ENOX1: variants seen among roughly 807,000 people sequenced by gnomAD.
ENOX1 encodes ecto-NOX disulfide-thiol exchanger 1, also known as candidate growth-related and time keeping constitutive hydroquinone (NADH) oxidase.
ENOX1 carries 42 observed loss-of-function variants against 82.5 expected under a neutral mutation model. The ratio of observed to expected loss-of-function variants is 0.51; its 90% CI spans 0.40 to 0.66. ENOX1 has a LOEUF of 0.66. ENOX1 is among the 30% of genes least tolerant of loss of function. ENOX1 has a pLI of 0.00. For missense variants in ENOX1, 608 were observed against 811.6 expected, an observed-to-expected ratio of 0.75 and a Z score of 3.05; for synonymous variants, 271 against 282.2, an observed-to-expected ratio of 0.96 and a Z score of 0.40.
chr13:43,563,952 A>G (rs910401898), intron 2 of ENOX1, among the ~76,000 whole-genome samples: 10 of 150,724 alleles, frequency 6.6e-5, no homozygotes, highest in African/African-American at 2.2e-4. Flanking sequence ...ATTATTCTGG[A>G]AAAAAAAAGG....
intron 1 of ENOX1, among the ~76,000 whole-genome samples, chr13:43,768,557 G>A (rs1247963813): frequency 6.6e-6 from 1 of 152,074 alleles, no homozygotes; most frequent in Admixed American, 6.5e-5. Flanking sequence ...GGAGTTCGAG[G>A]TTACAGTGAG....
At position 43,355,984 on chromosome 13, in the gene ENOX1, G is replaced by C; in HGVS notation, c.758C>G (p.Pro253Arg). 1 of 1,613,856 alleles carries C rather than the reference G, an allele frequency of 6.2e-7. No individual in the cohort carries two copies. The highest frequency in any genetic ancestry group is 8.5e-7 in the Non-Finnish European group (1 of 1,180,038). ...RKLEEDRLRP[P>R]SPPAIMHYSE... Reference sequence around the variant, plus strand: ...GTAGTGCATTATGGCAGGCGGGGATGGGGGCCTGAGCCGGTCCTCCTCCAG... The same window carrying C: ...GTAGTGCATTATGGCAGGCGGGGATCGGGGCCTGAGCCGGTCCTCCTCCAG... Residue 253 changes from proline (P) to arginine (R), a missense_variant, in exon 8 of 17, where the codon CCA (proline) becomes CGA (arginine). Physicochemically the swap from Pro to Arg is moderately radical, Grantham distance 103. Coordinates refer to ENST00000690772, the MANE Select transcript of ENOX1 (RefSeq NM_001347969.2).
chr13:43,383,558 C>T (rs1322991690), intron 5 of ENOX1, among the ~76,000 whole-genome samples: 1 of 152,140 alleles, frequency 6.6e-6, no homozygotes, highest in Non-Finnish European at 1.5e-5. Flanking sequence ...GCTTCCCTTA[C>T]AACTGGTATT....
At chr13:43,453,651 G>A (rs193173006) in intron 3 of ENOX1, among the ~76,000 whole-genome samples, 2 of 152,248 alleles carry the variant, frequency 1.3e-5, no homozygotes, top group East Asian at 3.9e-4. Context: ...ACTATTATCC[G>A]GGGTCCCTCA....
At chr13:43,292,762 G>A (rs529494687) in intron 12 of ENOX1, among the ~76,000 whole-genome samples, 217 of 148,528 alleles carry the variant, frequency 1.5e-3, no homozygotes, top group African/African-American at 4.9e-3. Context: ...CATAGCCACC[G>A]TTGCCACTAT....
intron 14 of ENOX1, among the ~76,000 whole-genome samples, chr13:43,251,096 A>G (rs1164476926): frequency 6.6e-6 from 1 of 151,858 alleles, no homozygotes; most frequent in African/African-American, 2.4e-5. Context: ...ATTGCTTATT[A>G]AAGTTCGAGA....
chr13:43,569,320 G>A (rs985443042), intron 2 of ENOX1, among the ~76,000 whole-genome samples: 1 of 152,172 alleles, frequency 6.6e-6, no homozygotes, highest in Non-Finnish European at 1.5e-5. Flanking sequence ...CAGATAGATA[G>A]ATAAATTAGA....
In ENOX1 at chr13:43,645,390, C is replaced by T. The variant is rs371708980; in HGVS notation, c.-219+22089G>A. ...CCCAGCACAGCCTAGAATTCTTGGC[C>T]TCAACTGATCCTGCCACCAGAGCCT... On this transcript the variant is annotated intron_variant, in intron 2 of 16. Coordinates refer to ENST00000690772, the MANE Select transcript of ENOX1 (RefSeq NM_001347969.2). 2.0e-5 allele frequency among the ~76,000 whole-genome samples: 3 copies of T among 152,080 alleles called. No homozygotes were observed. The South Asian group carries it at 6.2e-4, about 31-fold the overall frequency.
intron 5 of ENOX1, among the ~76,000 whole-genome samples, chr13:43,394,041 T>C (rs1251605264): frequency 3.9e-5 from 6 of 152,206 alleles, no homozygotes; most frequent in Non-Finnish European, 7.3e-5. Context: ...GATTGTAAGC[T>C]TCCTGAGACC....
intron 12 of ENOX1, among the ~76,000 whole-genome samples, chr13:43,272,236 A>T (rs186979846): frequency 6.6e-6 from 1 of 152,032 alleles, no homozygotes; most frequent in East Asian, 1.9e-4. Flanking sequence ...TACCCAACCC[A>T]CTCTCACAGT....
intron 1 of ENOX1, among the ~76,000 whole-genome samples, chr13:43,777,262 A>T (rs1951971111): frequency 6.6e-6 from 1 of 152,214 alleles, no homozygotes; most frequent in African/African-American, 2.4e-5. Flanking sequence ...CTTCAGTTAC[A>T]ATTAAGTCAG....
chr13:43,578,756 A>C (rs777334408), intron 2 of ENOX1, among the ~76,000 whole-genome samples: 2 of 152,196 alleles, frequency 1.3e-5, no homozygotes, highest in African/African-American at 4.8e-5. Context: ...AACCACCCTT[A>C]GCAGAGTGCC....
At chr13:43,780,127 C>G (rs983354472) in intron 1 of ENOX1, among the ~76,000 whole-genome samples, 3 of 150,510 alleles carry the variant, frequency 2.0e-5, no homozygotes, top group Non-Finnish European at 1.5e-5. Flanking sequence ...TGCCACTGCA[C>G]TCCAGCCTGG....
At chr13:43,324,251 G>A (rs1344978684) in intron 10 of ENOX1, among the ~76,000 whole-genome samples, 1 of 152,140 alleles carries the variant, frequency 6.6e-6, no homozygotes, top group Non-Finnish European at 1.5e-5. Context: ...CAGGTGGAAA[G>A]AATAAATGAG....
intron 3 of ENOX1, among the ~76,000 whole-genome samples, chr13:43,444,706 A>G (rs922818431): frequency 1.3e-5 from 2 of 152,256 alleles, no homozygotes; most frequent in African/African-American, 4.8e-5. Flanking sequence ...CGTGTATAAG[A>G]GAGGTACAAA....
At chr13:43,288,752 GA>G (rs1234032828) in intron 12 of ENOX1, among the ~76,000 whole-genome samples, 1 of 152,086 alleles carries the variant, frequency 6.6e-6, no homozygotes, top group African/African-American at 2.4e-5. Context: ...ACTCTACTTA[GA>G]AGGTAGATCC....
At chr13:43,616,200 ATATATTTTT>A (rs2082461983) in intron 2 of ENOX1, among the ~76,000 whole-genome samples, 1 of 19,082 alleles carries the variant, frequency 5.2e-5, no homozygotes, top group Non-Finnish European at 3.4e-4. Flanking sequence ...ATATATATAT[ATATATTTTT>A]TTTTTTTTTT....
chr13:43,747,066 G>C (rs1950061455), intron 1 of ENOX1, among the ~76,000 whole-genome samples: 1 of 152,120 alleles, frequency 6.6e-6, no homozygotes, highest in Non-Finnish European at 1.5e-5. Context: ...ATGGTGACAA[G>C]TATAAGTGGC....
intron 1 of ENOX1, among the ~76,000 whole-genome samples, chr13:43,698,308 C>T (rs1455635347): frequency 6.6e-6 from 1 of 152,136 alleles, no homozygotes; most frequent in African/African-American, 2.4e-5. Flanking sequence ...TACATAAGTA[C>T]CTTTTGGTAA....
Sources: allele counts gnomAD v4.1 joint callset (sites outside exome capture counted in the v4.1 genomes callset), GRCh38; gene constraint gnomAD v4.1.1; transcripts MANE v1.5; gene names NCBI Gene and HGNC (gene_info 2026-07-23, HGNC 2026-07-21).